MYO5A: variants seen among roughly 807,000 people sequenced by gnomAD.
MYO5A encodes the protein unconventional myosin-Va.
In MYO5A, 98 loss-of-function variants were observed where a neutral mutation model predicts 249.7. That is an observed-to-expected ratio of 0.39 (90% CI 0.33 to 0.46). The LOEUF (loss-of-function observed/expected upper bound fraction) is 0.46. Among genes scored for constraint, MYO5A ranks in the 20% least tolerant of loss-of-function variants. The pLI, the probability that MYO5A is intolerant of heterozygous loss-of-function variation, is 0.98. For synonymous variants in MYO5A, 778 were observed against 810.6 expected (o/e 0.96, Z 0.68); for missense variants, 1,696 against 2,308.8 (o/e 0.73, Z 5.44).
chr15:52,344,398 C>T (rs1056337369), intron 30 of MYO5A, among the ~76,000 whole-genome samples: 4 of 152,158 alleles, frequency 2.6e-5, no homozygotes, highest in Non-Finnish European at 4.4e-5. Context: ...TCCAGTCCCA[C>T]GATCACAAAA....
At chr15:52,473,373 T>C (rs913984477) in intron 1 of MYO5A, among the ~76,000 whole-genome samples, 1 of 152,238 alleles carries the variant, frequency 6.6e-6, no homozygotes, top group African/African-American at 2.4e-5. Context: ...TAGTTTCTTT[T>C]GCTGTGCAGA....
At chr15:52,339,882 G>A (rs1350490655) in intron 32 of MYO5A, among the ~76,000 whole-genome samples, 1 of 152,202 alleles carries the variant, frequency 6.6e-6, no homozygotes, top group Non-Finnish European at 1.5e-5. Context: ...AACCTAGGAT[G>A]GCAGAGGATC....
chr15:52,424,233 G>T (rs1052301999), intron 4 of MYO5A, among the ~76,000 whole-genome samples: 2 of 152,164 alleles, frequency 1.3e-5, no homozygotes, highest in Non-Finnish European at 2.9e-5. Context: ...CTATTTTATA[G>T]CAGAAGCTGG....
In MYO5A at chr15:52,317,164, C is replaced by T. The variant is rs1215489861; in HGVS notation, c.5293G>A (p.Ala1765Thr). 2 of 1,614,050 alleles carry T rather than the reference C, an allele frequency of 1.2e-6. No individual in the cohort carries two copies. The highest frequency in any genetic ancestry group is 2.2e-5 in the East Asian group (1 of 44,872). ...ATGAGAGGTTCCAGGGTTTCTTTAGCCCCACTATTCATCAGATTCTTGTCA... is the reference window on the plus strand; with the variant it reads ...ATGAGAGGTTCCAGGGTTTCTTTAGTCCCACTATTCATCAGATTCTTGTCA... ...LRDKNLMNSG[A>T]KETLEPLIQA... Residue 1765 changes from alanine to threonine, a missense_variant, in exon 40 of 42, where the codon GCT (alanine) becomes ACT (threonine). Ala to Thr is a moderately conservative substitution (Grantham distance 58). Around this residue, in one of 5 missense-constraint regions of MYO5A, gnomAD observed 625 missense variants for 908.1 expected, o/e 0.69. Coordinates refer to ENST00000399233, the MANE Select transcript of MYO5A (RefSeq NM_001382347.1).
chr15:52,459,940 G>C (rs7173411), intron 1 of MYO5A, among the ~76,000 whole-genome samples: 99,508 of 149,640 alleles, frequency 0.66, 35,035 homozygotes, highest in Non-Finnish European at 0.76. Context: ...CGGGGCGGCC[G>C]GTCAGAGACG....
At chr15:52,497,624 G>C (rs959578897) in intron 1 of MYO5A, among the ~76,000 whole-genome samples, 3 of 150,908 alleles carry the variant, frequency 2.0e-5, no homozygotes, top group African/African-American at 4.9e-5. Context: ...GGGCGTGGCA[G>C]TGTGCACCTG....
chr15:52,377,043 ATTGAG>A (rs138990222), intron 18 of MYO5A, among the ~76,000 whole-genome samples: 7,902 of 152,302 alleles, frequency 0.052, 241 homozygotes, highest in South Asian at 0.091. Context: ...GGGTATTCAT[ATTGAG>A]TTATGTTTCT....
In MYO5A at chr15:52,372,185, T is replaced by C; in HGVS notation, c.2756A>G (p.Lys919Arg). The change falls in exon 21 of 42, where the codon AAG (lysine) becomes AGG (arginine). Residue 919 changes from lysine to arginine, a missense_variant. Coordinates refer to ENST00000399233, the MANE Select transcript of MYO5A (RefSeq NM_001382347.1). ...KIEARSVERYKKLHIGMENKI... is the reference protein window; with the variant it reads ...KIEARSVERYRKLHIGMENKI... ...GTTCTCCATGCCGATGTGCAGCTTC[T>C]TATAGCGCTCCACTGAGCGAGCCTC... 6.2e-7 allele frequency: 1 copy of C among 1,613,732 alleles called. No individual in the cohort carries two copies. Among genetic ancestry groups the C allele is most frequent in the Non-Finnish European group, 8.5e-7 (1 of 1,180,020 alleles).
rs149141885 is a variant in MYO5A, at chr15:52,428,760, C to G, written c.139-191G>C. ...ATGAAGTGCGTTTTCATTAGACATA[C>G]CAACCTGTATTAACAATTTTTGCTA... On this transcript the variant is annotated intron_variant, in intron 2 of 41. Coordinates refer to ENST00000399233, the MANE Select transcript of MYO5A (RefSeq NM_001382347.1). Among the ~76,000 whole-genome samples the G allele has an allele frequency of 3.9e-4, 59 of 152,300 alleles. 1 individual carries two copies. The highest frequency in any genetic ancestry group is 1.2e-3 in the African/African-American group (49 of 41,572).
chr15:52,407,390 T>C lies in MYO5A; in HGVS notation c.848A>G (p.Asp283Gly). 6.2e-7 allele frequency: 1 copy of C among 1,612,710 alleles called. No individual in the cohort carries two copies. The highest frequency in any genetic ancestry group is 8.5e-7 in the Non-Finnish European group (1 of 1,178,712). ...TCCTTGTTTTGTGTAATTAAAGTTA[T>C]CTGCATTTCCTGTAATGAAGAAAAA... ...EFKMLRLGNA[D>G]NFNYTKQGGS... The change falls in exon 8 of 42, where the codon GAT becomes GGT. Residue 283 changes from aspartate (D) to glycine (G), a missense_variant. Around this residue, in one of 5 missense-constraint regions of MYO5A, gnomAD observed 185 missense variants for 204.8 expected, o/e 0.90. Coordinates refer to ENST00000399233, the MANE Select transcript of MYO5A (RefSeq NM_001382347.1).
intron 1 of MYO5A, among the ~76,000 whole-genome samples, chr15:52,511,387 C>T (rs1357454803): frequency 6.6e-6 from 1 of 152,214 alleles, no homozygotes; most frequent in Non-Finnish European, 1.5e-5. Context: ...TCCCACATTA[C>T]TTCTCCTGAT....
intron 21 of MYO5A, among the ~76,000 whole-genome samples, chr15:52,370,913 G>C (rs1310312520): frequency 6.6e-6 from 1 of 151,954 alleles, no homozygotes; most frequent in Admixed American, 6.6e-5. Flanking sequence ...AGGAGTTCAA[G>C]ACTAGCCTGG....
intron 1 of MYO5A, among the ~76,000 whole-genome samples, chr15:52,464,274 T>G (rs767310676): frequency 7.2e-5 from 11 of 152,328 alleles, no homozygotes; most frequent in Admixed American, 4.6e-4. Context: ...ACCCACAGGT[T>G]TAACAGCAAC....
intron 29 of MYO5A, chr15:52,346,676 T>C: frequency 1.6e-6 from 1 of 640,370 alleles, no homozygotes; most frequent in Admixed American, 2.1e-5. Context: ...TGAGAAACAC[T>C]AGCACTCTGC....
intron 32 of MYO5A, among the ~76,000 whole-genome samples, chr15:52,338,706 G>C (rs2039239327): frequency 1.3e-5 from 2 of 152,128 alleles, no homozygotes; most frequent in African/African-American, 4.8e-5. Flanking sequence ...TTAGAATATA[G>C]GGGCTTAGTC....
intron 34 of MYO5A, among the ~76,000 whole-genome samples, chr15:52,335,148 C>T (rs374162195): frequency 4.6e-5 from 7 of 152,152 alleles, no homozygotes; most frequent in Non-Finnish European, 8.8e-5. Context: ...AATGATTAAC[C>T]GTTCACACAG....
rs769005480 is a variant in MYO5A at position 52,364,564 on chromosome 15, G to A, written c.3299C>T (p.Thr1100Ile). The part of the protein sequence containing the change: ...ERYDDLKEEM[T>I]LMVHVPKPGH... ...AAGTGTTTGACTCACCACCATAAGG[G>A]TCATCTCTTCCTTGAGGTCATCATA... The change falls in exon 24 of 42, where the codon ACC becomes ATC. Residue 1100 changes from threonine to isoleucine, a missense_variant. Physicochemically the swap from Thr to Ile is moderately conservative, Grantham distance 89 (BLOSUM62 -1). Around this residue, in one of 5 missense-constraint regions of MYO5A, gnomAD observed 412 missense variants for 453.3 expected, o/e 0.91. Coordinates refer to ENST00000399233, the MANE Select transcript of MYO5A (RefSeq NM_001382347.1). The A allele has an allele frequency of 6.2e-7, 1 of 1,613,176 alleles. No homozygotes were observed. Among genetic ancestry groups the A allele is most frequent in the South Asian group, 1.1e-5 (1 of 90,962 alleles).
chr15:52,376,247 A>G, intron 19 of MYO5A, 100 bp downstream of exon 19: 1 of 1,086,368 alleles, frequency 9.2e-7, no homozygotes, highest in Non-Finnish European at 1.4e-6. Flanking sequence ...AACTAAGAAA[A>G]GGTGAGGTGT....
rs2140902768 is a variant in MYO5A at position 52,312,523 on chromosome 15, A to G, written c.*1173T>C. On this transcript the variant is annotated 3_prime_UTR_variant, in exon 42 of 42. Coordinates refer to ENST00000399233, the MANE Select transcript of MYO5A (RefSeq NM_001382347.1). ...CAGGCAAGTGCCACCACGCCCGGCT[A>G]ATTTTTGTATTTTTAGTAGAGACAG... is the stretch of plus-strand genomic sequence containing the variant. The G allele has an allele frequency of 6.6e-6, 1 of 152,280 alleles. No individual in the cohort carries two copies. Among genetic ancestry groups the G allele is most frequent in the East Asian group, 1.9e-4 (1 of 5,178 alleles). The allele number at this position is 152,280 out of a possible 1,614,324, so 9.4% of individuals were successfully genotyped here.
Sources: allele counts gnomAD v4.1 joint callset (sites outside exome capture counted in the v4.1 genomes callset), GRCh38; gene constraint gnomAD v4.1.1; regional missense constraint gnomAD v4.1.1; transcripts MANE v1.5; gene names NCBI Gene and HGNC (gene_info 2026-07-23, HGNC 2026-07-21).